Variants in OSBPL3 observed in about 807,000 individuals in gnomAD.
OSBPL3 encodes the protein oxysterol binding protein like 3.
In OSBPL3, 65 loss-of-function variants were observed where a neutral mutation model predicts 120.1. The ratio of observed to expected loss-of-function variants is 0.54; its 90% CI spans 0.44 to 0.67. The LOEUF is 0.67. Among genes scored for constraint, OSBPL3 ranks in the 30% least tolerant of loss-of-function variants. OSBPL3 has a pLI of 0.00. For missense variants in OSBPL3, 1,004 were observed against 1,082.1 expected, an observed-to-expected ratio of 0.93 and a Z score of 1.01; for synonymous variants, 416 against 402.6, an observed-to-expected ratio of 1.03 and a Z score of -0.40.
At chr7:24,814,478 G>GT in intron 19 of OSBPL3, among the ~76,000 whole-genome samples, 1 of 151,810 alleles carries the variant, frequency 6.6e-6, no homozygotes. Context: ...AAAAAGTCTG[G>GT]TAAACCATAC....
In OSBPL3 at chr7:24,906,998, C is replaced by T. The variant is rs1374580772; in HGVS notation, c.-149-14377G>A. Among the ~76,000 whole-genome samples, 6 of 152,226 alleles carry T rather than the reference C, an allele frequency of 3.9e-5. No homozygotes were observed. In the East Asian group the frequency reaches 5.8e-4, roughly 15 times the overall value. On this transcript the variant is annotated intron_variant, in intron 1 of 22. Transcript: ENST00000313367. Reference sequence around the variant, plus strand: ...GATATTAATACCTGCCACTGGCTTCCCTGACTCTGATTAAGATACCCACCC... The same window carrying T: ...GATATTAATACCTGCCACTGGCTTCTCTGACTCTGATTAAGATACCCACCC...
Position 24,800,291 on chromosome 7 carries a change from GA to G in OSBPL3, c.2568-13del. 4 of 1,542,828 alleles carry G rather than the reference GA, an allele frequency of 2.6e-6. No homozygotes were observed. The highest frequency in any genetic ancestry group is 3.6e-6 in the Non-Finnish European group (4 of 1,115,856). On this transcript the variant is annotated splice_polypyrimidine_tract_variant and intron_variant, in intron 22 of 22. Coordinates refer to ENST00000313367, the MANE Select transcript of OSBPL3 (RefSeq NM_015550.4). Reference sequence around the variant, plus strand: ...CATCGTCGGATTTCCTGTGAAAGAAGAAACAATTTCTTGCAGACTCTTGAAA... The same window carrying G: ...CATCGTCGGATTTCCTGTGAAAGAAGAACAATTTCTTGCAGACTCTTGAAA...
At chr7:24,911,697 GATA>G (rs376008873) in intron 1 of OSBPL3, among the ~76,000 whole-genome samples, 484 of 152,216 alleles carry the variant, frequency 3.2e-3, no homozygotes, top group African/African-American at 0.011. Context: ...CTGCAGGGGC[GATA>G]ATAATTCCTT....
intron 12 of OSBPL3, among the ~76,000 whole-genome samples, chr7:24,845,630 T>C (rs1007443961): frequency 3.3e-5 from 5 of 151,298 alleles, no homozygotes; most frequent in South Asian, 2.1e-4. Flanking sequence ...ATTTGCCTTA[T>C]TGTTTTGACA....
chr7:24,828,606 G>GAAAAAAAAAAAAAAAAA (rs1190652256), intron 16 of OSBPL3, among the ~76,000 whole-genome samples: 2 of 32,522 alleles, frequency 6.1e-5, no homozygotes, highest in African/African-American at 1.6e-4. Flanking sequence ...GACTCTGTCT[G>GAAAAAAAAAAAAAAAAA]AAAAAAAAAA....
chr7:24,893,466 A>T (rs1805657190), intron 1 of OSBPL3, among the ~76,000 whole-genome samples: 1 of 152,188 alleles, frequency 6.6e-6, no homozygotes, highest in South Asian at 2.1e-4. Flanking sequence ...TACTGAGGGG[A>T]GAGTAGAGTG....
At chr7:24,882,688 A>C (rs1390002500) in intron 2 of OSBPL3, among the ~76,000 whole-genome samples, 1 of 152,226 alleles carries the variant, frequency 6.6e-6, no homozygotes, top group Non-Finnish European at 1.5e-5. Context: ...ACTAATTTAC[A>C]TTCCCATTGA....
chr7:24,819,002 C>T lies in OSBPL3; in HGVS notation c.1948+1173G>A, dbSNP rs976867684. Among the ~76,000 whole-genome samples, 2 of 152,110 alleles carry T rather than the reference C, an allele frequency of 1.3e-5. No homozygotes were observed. Among genetic ancestry groups the T allele is most frequent in the African/African-American group, 4.8e-5 (2 of 41,414 alleles). On this transcript the variant is annotated intron_variant, in intron 17 of 22. Transcript: ENST00000313367. The surrounding 1 kb of genome is among the most constrained non-coding windows in gnomAD (Gnocchi z 4.1). ...GGGCGCAGTGGCTCATGCCTGTAAT[C>T]CCAGCATTTTGGGAGGCCGAGGCAG...
chr7:24,845,589 A>C (rs1302240479), intron 12 of OSBPL3, among the ~76,000 whole-genome samples: 2 of 147,760 alleles, frequency 1.4e-5, no homozygotes, highest in Non-Finnish European at 3.0e-5. Context: ...CAGTCTGTCA[A>C]TTTCACTGAA....
chr7:24,907,794 G>A (rs953559846), intron 1 of OSBPL3, among the ~76,000 whole-genome samples: 2 of 152,138 alleles, frequency 1.3e-5, no homozygotes, highest in Non-Finnish European at 1.5e-5. Context: ...CACGTTTCCT[G>A]CACTCTGACT....
chr7:24,809,731 G>A, intron 20 of OSBPL3, 76 bp downstream of exon 20: 2 of 1,396,872 alleles, frequency 1.4e-6, no homozygotes, highest in Admixed American at 3.6e-5. Flanking sequence ...CACTACTCCT[G>A]TCCTCTGTGG....
Position 24,863,077 on chromosome 7 carries a change from G to A in OSBPL3, c.870+123C>T. 1.4e-6 allele frequency: 1 copy of A among 708,936 alleles called. No individual in the cohort carries two copies. Among genetic ancestry groups the A allele is most frequent in the East Asian group, 2.6e-5 (1 of 39,088 alleles). 43.9% of individuals were successfully genotyped at this position (708,936 alleles called of 1,614,324 possible). A position where few individuals can be genotyped will look rare whatever the true frequency, so the allele number is the denominator to read the frequency against. On this transcript the variant is annotated intron_variant, in intron 9 of 22. Coordinates refer to ENST00000313367, the MANE Select transcript of OSBPL3 (RefSeq NM_015550.4). This position sits in a 1 kb window ranked among gnomAD's most constrained non-coding sequence, Gnocchi z 5.8. ...ATTCATCTCGCTACAGAGGACACTG[G>A]AAAGAACAACTACAGAATATTCACT...
In OSBPL3 at chr7:24,939,555, A is replaced by G. The variant is rs927010683; in HGVS notation, c.-150+40331T>C. Among the ~76,000 whole-genome samples, 5 of 152,232 alleles carry G rather than the reference A, an allele frequency of 3.3e-5. No individual in the cohort carries two copies. Among genetic ancestry groups the G allele is most frequent in the Non-Finnish European group, 5.9e-5 (4 of 68,046 alleles). On this transcript the variant is annotated intron_variant, in intron 1 of 22. Coordinates refer to ENST00000313367, the MANE Select transcript of OSBPL3 (RefSeq NM_015550.4). The surrounding 1 kb of genome is among the most constrained non-coding windows in gnomAD (Gnocchi z 4.2). The stretch of plus-strand genomic sequence containing the variant: ...TTAAAAAATTAAACACGCAGGAAGA[A>G]AAGACTAAAGAAACTGGGTCCTTGA...
At chr7:24,902,229 C>T (rs985100227) in intron 1 of OSBPL3, among the ~76,000 whole-genome samples, 7 of 152,138 alleles carry the variant, frequency 4.6e-5, no homozygotes, top group Admixed American at 2.0e-4. Context: ...CACAACATCA[C>T]AATAGGTATT....
chr7:24,904,113 C>T (rs1180977305), intron 1 of OSBPL3, among the ~76,000 whole-genome samples: 1 of 152,054 alleles, frequency 6.6e-6, no homozygotes, highest in East Asian at 1.9e-4. Context: ...AAACTCCTGA[C>T]CTCAAGTGAT....
intron 1 of OSBPL3, among the ~76,000 whole-genome samples, chr7:24,919,657 A>G (rs1810148517): frequency 6.6e-6 from 1 of 152,000 alleles, no homozygotes; most frequent in Non-Finnish European, 1.5e-5. Context: ...GAAAAAAGTG[A>G]TAAATTGGAC....
At position 24,830,709 on chromosome 7, in the gene OSBPL3, A is replaced by G; in HGVS notation, c.1884+59T>C. 6.8e-7 allele frequency: 1 copy of G among 1,476,760 alleles called. No individual in the cohort carries two copies. Among genetic ancestry groups the G allele is most frequent in the Non-Finnish European group, 9.2e-7 (1 of 1,089,846 alleles). 91.5% of individuals were successfully genotyped at this position (1,476,760 alleles called of 1,614,324 possible). A position where few individuals can be genotyped will look rare whatever the true frequency, so the allele number is the denominator to read the frequency against. ...GGTGGAAGATAAATATTTCAGAAGC[A>G]CATTTAATGGGAGACATAAGCAACC... On this transcript the variant is annotated intron_variant, in intron 16 of 22. Coordinates refer to ENST00000313367, the MANE Select transcript of OSBPL3 (RefSeq NM_015550.4). This position sits in a 1 kb window ranked among gnomAD's most constrained non-coding sequence, Gnocchi z 4.4.
chr7:24,917,029 A>ATATTT (rs1809661457), intron 1 of OSBPL3, among the ~76,000 whole-genome samples: 2 of 152,262 alleles, frequency 1.3e-5, no homozygotes, highest in African/African-American at 2.4e-5. Flanking sequence ...AAGAATTCCC[A>ATATTT]GGAGTAGAGG....
chr7:24,881,388 C>T lies in OSBPL3; in HGVS notation c.97-9319G>A, dbSNP rs1024929488. On this transcript the variant is annotated intron_variant, in intron 2 of 22. Transcript: ENST00000313367. This position sits in a 1 kb window ranked among gnomAD's most constrained non-coding sequence, Gnocchi z 4.3. Reference sequence around the variant, plus strand: ...AAGTATGTTATAGTCCAGTTTGTAACGGAGCTTCTTTTTAATAGGGGGGTC... The same window carrying T: ...AAGTATGTTATAGTCCAGTTTGTAATGGAGCTTCTTTTTAATAGGGGGGTC... Among the ~76,000 whole-genome samples, 3 of 152,120 alleles carry T rather than the reference C, an allele frequency of 2.0e-5. No homozygotes were observed. Among genetic ancestry groups the T allele is most frequent in the Admixed American group, 1.3e-4 (2 of 15,274 alleles).
Sources: allele counts gnomAD v4.1 joint callset (sites outside exome capture counted in the v4.1 genomes callset), GRCh38; gene constraint gnomAD v4.1.1; non-coding constraint Gnocchi (gnomAD v3.1); transcripts MANE v1.5; gene names NCBI Gene and HGNC (gene_info 2026-07-23, HGNC 2026-07-21).